The following FDX1 variants were observed in gnomAD, a reference collection of about 807,000 sequenced individuals.
The protein encoded by FDX1 is ferredoxin 1.
A neutral mutation model predicts 14.9 loss-of-function variants in FDX1; 9 were observed. The observed-to-expected ratio is 0.60, with a 90% CI of 0.36 to 1.05. The LOEUF (loss-of-function observed/expected upper bound fraction) is 1.05. Among genes scored for constraint, FDX1 ranks in the 50% least tolerant of loss-of-function variants. The pLI, the probability that FDX1 is intolerant of heterozygous loss-of-function variation, is 0.01. For missense variants in FDX1, 204 were observed against 237.2 expected (o/e 0.86, Z 0.92); for synonymous variants, 92 against 99.4 (o/e 0.93, Z 0.44).
chr11:110,458,395 A>G (rs1946536034), intron 3 of FDX1, among the ~76,000 whole-genome samples: 1 of 152,200 alleles, frequency 6.6e-6, no homozygotes, highest in Non-Finnish European at 1.5e-5. Flanking sequence ...ACTTTGTGGG[A>G]AAGAGTATAA....
chr11:110,439,013 C>T (rs1262330265), intron 2 of FDX1, among the ~76,000 whole-genome samples: 1 of 152,100 alleles, frequency 6.6e-6, no homozygotes, highest in Non-Finnish European at 1.5e-5. Flanking sequence ...TCAAGTGATT[C>T]TCCTGCCTCA....
At chr11:110,450,551 A>T (rs1946479944) in intron 2 of FDX1, among the ~76,000 whole-genome samples, 1 of 152,146 alleles carries the variant, frequency 6.6e-6, no homozygotes, top group South Asian at 2.1e-4. Flanking sequence ...GTAAGACATG[A>T]TGTATTTTTG....
intron 2 of FDX1, among the ~76,000 whole-genome samples, chr11:110,455,195 C>CAGGG (rs1451328434): frequency 6.6e-6 from 1 of 151,900 alleles, no homozygotes; most frequent in East Asian, 1.9e-4. Context: ...TTAGTAGAGA[C>CAGGG]AGGGTTTCAC....
Position 110,430,079 on chromosome 11 carries a change from A to G in FDX1, c.-42A>G. ...TCTTTGGAGTCTCTCGCGGCCTCAAAGCGCGGCCTGCGTCGCTTCCGGCAG... is the reference window on the plus strand; with the variant it reads ...TCTTTGGAGTCTCTCGCGGCCTCAAGGCGCGGCCTGCGTCGCTTCCGGCAG... On this transcript the variant is annotated 5_prime_UTR_variant, in exon 1 of 4. Coordinates refer to ENST00000260270, the MANE Select transcript of FDX1 (RefSeq NM_004109.5). 3.3e-6 allele frequency: 4 copies of G among 1,207,170 alleles called. No individual in the cohort carries two copies. Among genetic ancestry groups the G allele is most frequent in the Non-Finnish European group, 4.1e-6 (4 of 970,664 alleles). 74.8% of individuals were successfully genotyped at this position (1,207,170 alleles called of 1,614,324 possible).
chr11:110,460,973 A>G (rs1337325308), intron 3 of FDX1, among the ~76,000 whole-genome samples: 2 of 152,242 alleles, frequency 1.3e-5, no homozygotes, highest in Admixed American at 6.5e-5. Flanking sequence ...TAGGTGCTCA[A>G]TAAATGCTTC....
chr11:110,460,565 G>A (rs1005737141), intron 3 of FDX1, among the ~76,000 whole-genome samples: 7 of 152,144 alleles, frequency 4.6e-5, no homozygotes, highest in African/African-American at 1.4e-4. Flanking sequence ...CAGAAGTAAG[G>A]GCTTTCTTCT....
At chr11:110,456,606 A>T (rs75835072) in intron 2 of FDX1, among the ~76,000 whole-genome samples, 2,020 of 143,974 alleles carry the variant, frequency 0.014, 48 homozygotes, top group African/African-American at 0.048. Context: ...TCCCGGGTTC[A>T]AGTATTTCTT....
Position 110,441,484 on chromosome 11 carries a change from T to C in FDX1, c.310+5526T>C, listed in dbSNP as rs569026972. 3.3e-5 allele frequency among the ~76,000 whole-genome samples: 5 copies of C among 152,282 alleles called. No homozygotes were observed. The South Asian group carries it at 1.0e-3, about 32-fold the overall frequency. On this transcript the variant is annotated intron_variant, in intron 2 of 3. Transcript: ENST00000260270. Reference sequence around the variant, plus strand: ...GTCTCAGATGGAGACGAGGAACTTGTTGGGAATTGGAGTAAAGGTGACTCT... The same window carrying C: ...GTCTCAGATGGAGACGAGGAACTTGCTGGGAATTGGAGTAAAGGTGACTCT...
At chr11:110,436,990 T>G (rs1946374087) in intron 2 of FDX1, among the ~76,000 whole-genome samples, 1 of 152,166 alleles carries the variant, frequency 6.6e-6, no homozygotes, top group Non-Finnish European at 1.5e-5. Context: ...TAATATTTGC[T>G]GAATATCTTT....
At position 110,457,045 on chromosome 11, in the gene FDX1, C is replaced by G. The variant is rs753568556; in HGVS notation, c.438C>G (p.Asp146Glu). Residue 146 changes from aspartate to glutamate, a missense_variant and splice_region_variant, in exon 3 of 4, where the codon GAC (aspartate) becomes GAG (glutamate). Transcript: ENST00000260270. ...TCGATCTGGCATATGGACTAACAGA[C>G]AGGTAAGATTTTTGGACTGCTTCAA... The part of the protein sequence containing the change: ...DMLDLAYGLT[D>E]RSRLGCQICL... 3.9e-5 allele frequency: 62 copies of G among 1,608,332 alleles called. No homozygotes were observed. The highest frequency in any genetic ancestry group is 5.2e-5 in the Non-Finnish European group (61 of 1,176,556).
intron 2 of FDX1, among the ~76,000 whole-genome samples, chr11:110,449,962 C>G (rs971256523): frequency 1.3e-5 from 2 of 152,160 alleles, no homozygotes; most frequent in Non-Finnish European, 1.5e-5. Flanking sequence ...TTCCTCCTAA[C>G]TGAAACTTTG....
Position 110,462,561 on chromosome 11 carries a change from C to G in FDX1, c.*93C>G. ...TTAAATGAGAACATGGATGAGTGGACTTCATATTATGACTAGCTTTACTAT... is the reference window on the plus strand; with the variant it reads ...TTAAATGAGAACATGGATGAGTGGAGTTCATATTATGACTAGCTTTACTAT... On this transcript the variant is annotated 3_prime_UTR_variant, in exon 4 of 4. Transcript: ENST00000260270. 5.2e-6 allele frequency: 3 copies of G among 572,344 alleles called. No individual in the cohort carries two copies. Among genetic ancestry groups the G allele is most frequent in the South Asian group, 4.0e-5 (1 of 24,716 alleles). The allele number at this position is 572,344 out of a possible 1,614,324, so 35.5% of individuals were successfully genotyped here.
chr11:110,432,841 G>T (rs188205104), intron 1 of FDX1, among the ~76,000 whole-genome samples: 2 of 152,150 alleles, frequency 1.3e-5, no homozygotes, highest in African/African-American at 4.8e-5. Context: ...TTTCGTTTCC[G>T]CCTCCTCTCC....
At chr11:110,439,063 G>A (rs187911463) in intron 2 of FDX1, among the ~76,000 whole-genome samples, 3 of 151,932 alleles carry the variant, frequency 2.0e-5, no homozygotes, top group Non-Finnish European at 2.9e-5. Flanking sequence ...TCACTACCAC[G>A]CCCAGCTAAT....
At chr11:110,444,519 G>T (rs2134682152) in intron 2 of FDX1, among the ~76,000 whole-genome samples, 1 of 151,030 alleles carries the variant, frequency 6.6e-6, no homozygotes, top group African/African-American at 2.4e-5. Context: ...GGGAGGCTGA[G>T]GCACCAGAAT....
rs1565381903 is a variant in FDX1 at position 110,444,694 on chromosome 11, ATATATATATACG to A, written c.310+8747_310+8758del. Among the ~76,000 whole-genome samples, 96 of 77,530 alleles carry A rather than the reference ATATATATATACG, an allele frequency of 1.2e-3. 4 individuals carry two copies. The highest frequency in any genetic ancestry group is 2.8e-3 in the African/African-American group (41 of 14,764). The allele number at this position is 77,530 out of a possible 152,430, so 50.9% of individuals were successfully genotyped here. A position where few individuals can be genotyped will look rare whatever the true frequency, so the allele number is the denominator to read the frequency against. On this transcript the variant is annotated intron_variant, in intron 2 of 3. Transcript: ENST00000260270. Reference sequence around the variant, plus strand: ...TATATATATATATATACACGTATATATATATATATACGTATATATATATATATACGTATATAT... The same window carrying A: ...TATATATATATATATACACGTATATATATATATATATATATACGTATATAT...
At chr11:110,439,819 T>G (rs995587542) in intron 2 of FDX1, among the ~76,000 whole-genome samples, 1 of 152,214 alleles carries the variant, frequency 6.6e-6, no homozygotes, top group Non-Finnish European at 1.5e-5. Context: ...GATCTTACAT[T>G]TAAGTCTTTA....
chr11:110,440,174 T>A (rs1946396651), intron 2 of FDX1, among the ~76,000 whole-genome samples: 2 of 152,192 alleles, frequency 1.3e-5, no homozygotes, highest in South Asian at 4.1e-4. Context: ...TTTTTCTTTG[T>A]TAATCTAGCT....
At chr11:110,430,398 C>A in intron 1 of FDX1, 93 bp downstream of exon 1, 1 of 887,722 alleles carries the variant, frequency 1.1e-6, no homozygotes, top group Non-Finnish European at 1.4e-6. Flanking sequence ...GTTCCAGTGC[C>A]TTCTGCGCGC....
Sources: allele counts gnomAD v4.1 joint callset (sites outside exome capture counted in the v4.1 genomes callset), GRCh38; gene constraint gnomAD v4.1.1; transcripts MANE v1.5; gene names NCBI Gene and HGNC (gene_info 2026-07-23, HGNC 2026-07-21).